Variants in PRKCE observed in about 807,000 individuals in gnomAD.
PRKCE encodes protein kinase C epsilon type.
A neutral mutation model predicts 85.4 loss-of-function variants in PRKCE; 16 were observed. The ratio of observed to expected loss-of-function variants is 0.19; its 90% CI spans 0.13 to 0.28. The LOEUF is 0.28. PRKCE is among the 10% of genes least tolerant of loss of function. The pLI, the probability that PRKCE is intolerant of heterozygous loss-of-function variation, is 1.00. For missense variants in PRKCE, 573 were observed against 975.2 expected, an observed-to-expected ratio of 0.59 and a Z score of 5.49; for synonymous variants, 388 against 371.5, an observed-to-expected ratio of 1.04 and a Z score of -0.51.
At chr2:46,064,836 A>G (rs1392602918) in intron 10 of PRKCE, among the ~76,000 whole-genome samples, 1 of 152,280 alleles carries the variant, frequency 6.6e-6, no homozygotes, top group South Asian at 2.1e-4. Flanking sequence ...ATGCTCATCC[A>G]TGGCCTGTGG....
intron 11 of PRKCE, among the ~76,000 whole-genome samples, chr2:46,094,491 G>T (rs1007730144): frequency 6.6e-6 from 1 of 152,162 alleles, no homozygotes; most frequent in African/African-American, 2.4e-5. Context: ...CATAGGTGGA[G>T]CTGGAAGCCG....
chr2:45,801,548 A>C (rs1687869909), intron 1 of PRKCE, among the ~76,000 whole-genome samples: 1 of 152,090 alleles, frequency 6.6e-6, no homozygotes. Flanking sequence ...AATGCTGCCC[A>C]GGTTTCCAGC....
chr2:45,900,805 T>C (rs1312308342), intron 2 of PRKCE, among the ~76,000 whole-genome samples: 1 of 152,252 alleles, frequency 6.6e-6, no homozygotes, highest in Non-Finnish European at 1.5e-5. Context: ...TTTTTAAATG[T>C]AATTGATTCC....
chr2:45,918,681 A>G (rs941817031), intron 2 of PRKCE, among the ~76,000 whole-genome samples: 3 of 152,228 alleles, frequency 2.0e-5, no homozygotes, highest in African/African-American at 7.2e-5. Flanking sequence ...CCAGCTGGAA[A>G]CTAAAGGCAC....
intron 1 of PRKCE, among the ~76,000 whole-genome samples, chr2:45,788,533 CT>C (rs1225088324): frequency 7.2e-5 from 11 of 152,202 alleles, no homozygotes; most frequent in Admixed American, 5.9e-4. Context: ...GGGCCTGCTT[CT>C]ACACAGCCTC....
intron 2 of PRKCE, among the ~76,000 whole-genome samples, chr2:45,858,662 T>C (rs1341100058): frequency 2.0e-5 from 3 of 152,250 alleles, no homozygotes; most frequent in African/African-American, 7.2e-5. Context: ...TATTATTTTC[T>C]TGCATTTCTT....
intron 2 of PRKCE, among the ~76,000 whole-genome samples, chr2:45,950,368 G>A (rs1035794978): frequency 6.6e-6 from 1 of 152,104 alleles, no homozygotes. Flanking sequence ...GCCAATCTCT[G>A]GTCTTTAGGA....
intron 1 of PRKCE, among the ~76,000 whole-genome samples, chr2:45,803,718 T>C (rs540088628): frequency 6.6e-6 from 1 of 152,366 alleles, no homozygotes; most frequent in South Asian, 2.1e-4. Flanking sequence ...CTGTGGGTTA[T>C]GCTCAATTTA....
At chr2:45,660,136 A>C (rs1245924765) in intron 1 of PRKCE, among the ~76,000 whole-genome samples, 1 of 152,170 alleles carries the variant, frequency 6.6e-6, no homozygotes, top group Non-Finnish European at 1.5e-5. Context: ...CTGTTGGTAG[A>C]TATGGGGTTT....
intron 1 of PRKCE, among the ~76,000 whole-genome samples, chr2:45,721,048 A>T (rs1294014521): frequency 3.3e-5 from 5 of 152,202 alleles, no homozygotes; most frequent in Non-Finnish European, 5.9e-5. Flanking sequence ...CAGAGGTTGC[A>T]GTGAGCTGAG....
chr2:45,952,192 T>C (rs949719789), intron 2 of PRKCE, among the ~76,000 whole-genome samples: 1 of 152,180 alleles, frequency 6.6e-6, no homozygotes, highest in Non-Finnish European at 1.5e-5. Context: ...CTAGTCTGAT[T>C]TTTCCATCAC....
chr2:45,716,624 GAGA>G (rs1329767916), intron 1 of PRKCE, among the ~76,000 whole-genome samples: 1 of 134,328 alleles, frequency 7.4e-6, no homozygotes, highest in Non-Finnish European at 1.6e-5. Flanking sequence ...GAAGAAGAAG[GAGA>G]AGGAGAAGAA....
chr2:45,975,771 T>A (rs982488934), intron 2 of PRKCE, among the ~76,000 whole-genome samples: 4 of 152,186 alleles, frequency 2.6e-5, no homozygotes, highest in Admixed American at 2.6e-4. Flanking sequence ...AGTGGGATCT[T>A]TACAGCCCAT....
chr2:45,773,635 T>C (rs532446612), intron 1 of PRKCE, among the ~76,000 whole-genome samples: 1 of 152,306 alleles, frequency 6.6e-6, no homozygotes, highest in Non-Finnish European at 1.5e-5. Context: ...GAATTGACTG[T>C]TTGGGAGCAT....
At chr2:45,748,058 C>G (rs540806860) in intron 1 of PRKCE, among the ~76,000 whole-genome samples, 2 of 152,294 alleles carry the variant, frequency 1.3e-5, no homozygotes, top group East Asian at 1.9e-4. Context: ...TTTGTATATT[C>G]TAGATATTAA....
At chr2:46,061,889 G>A (rs577657020) in intron 10 of PRKCE, among the ~76,000 whole-genome samples, 116 of 110,372 alleles carry the variant, frequency 1.1e-3, no homozygotes, top group African/African-American at 4.1e-3. Context: ...CAACAGTCTC[G>A]TTCTGTCGCC....
chr2:45,787,518 G>T (rs1383558572), intron 1 of PRKCE, among the ~76,000 whole-genome samples: 1 of 152,166 alleles, frequency 6.6e-6, no homozygotes, highest in African/African-American at 2.4e-5. Flanking sequence ...AGCCAGGCAG[G>T]TCTTTTCCAG....
chr2:45,898,330 T>C (rs1324550741), intron 2 of PRKCE, among the ~76,000 whole-genome samples: 4 of 152,202 alleles, frequency 2.6e-5, no homozygotes, highest in Non-Finnish European at 5.9e-5. Flanking sequence ...GAAATTATGT[T>C]CAGTCTGAGC....
chr2:45,744,143 A>G (rs2104671291), intron 1 of PRKCE, among the ~76,000 whole-genome samples: 1 of 152,336 alleles, frequency 6.6e-6, no homozygotes, highest in Admixed American at 6.5e-5. Flanking sequence ...TCCTTGTCAA[A>G]TGGGAATAAT....
Sources: gnomAD v4.1 joint callset for allele counts (sites outside exome capture counted in the v4.1 genomes callset) on GRCh38, gnomAD v4.1.1 for gene constraint, MANE v1.5 for transcripts, NCBI Gene and HGNC (gene_info 2026-07-23, HGNC 2026-07-21) for gene names.